Variants in SCRG1 observed in about 807,000 individuals in gnomAD.
The protein encoded by SCRG1 is scrapie-responsive protein 1.
A neutral mutation model predicts 7.7 loss-of-function variants in SCRG1; 3 were observed. That is an observed-to-expected ratio of 0.39 (90% confidence interval 0.18 to 1.01). The LOEUF is 1.01. SCRG1 is among the 50% of genes least tolerant of loss of function. The pLI is 0.36. For synonymous variants in SCRG1, 46 were observed against 41.2 expected, an observed-to-expected ratio of 1.12 and a Z score of -0.44; for missense variants, 110 against 117.2, an observed-to-expected ratio of 0.94 and a Z score of 0.28.
the SCRG1 span, among the ~76,000 whole-genome samples, chr4:173,498,805 T>C: frequency 2.0e-5 from 3 of 152,224 alleles, no homozygotes; most frequent in East Asian, 5.8e-4. Context: ...GAGACAGAAA[T>C]AAATATAGAG....
At chr4:173,396,289 CA>C (rs1050968775) in intron 1 of SCRG1, among the ~76,000 whole-genome samples, 5 of 152,130 alleles carry the variant, frequency 3.3e-5, no homozygotes, top group African/African-American at 9.7e-5. Context: ...GTCTAAAGAT[CA>C]GGGGTGAAAA....
upstream of SCRG1, among the ~76,000 whole-genome samples, chr4:173,410,891 T>C (rs1740021527): frequency 6.6e-6 from 1 of 152,180 alleles, no homozygotes; most frequent in African/African-American, 2.4e-5. Context: ...AGCAGCACAT[T>C]GGGAGCAGAG....
At chr4:173,429,180 A>G in the SCRG1 span, among the ~76,000 whole-genome samples, 137 of 152,328 alleles carry the variant, frequency 9.0e-4, no homozygotes, top group Admixed American at 2.7e-3. Flanking sequence ...GGACAGCTGG[A>G]TTTCTTTGAG....
the SCRG1 span, among the ~76,000 whole-genome samples, chr4:173,448,043 C>T: frequency 3.9e-5 from 6 of 152,082 alleles, no homozygotes; most frequent in African/African-American, 7.2e-5. Context: ...GGCAGAGGTT[C>T]CTGTGAGCCA....
At chr4:173,461,745 A>G in the SCRG1 span, among the ~76,000 whole-genome samples, 2 of 152,234 alleles carry the variant, frequency 1.3e-5, no homozygotes, top group South Asian at 4.1e-4. Flanking sequence ...ATCCTGGAGA[A>G]ACAGAGATAC....
At chr4:173,451,676 TTATTTATTTTG>T in the SCRG1 span, among the ~76,000 whole-genome samples, 20 of 128,054 alleles carry the variant, frequency 1.6e-4, no homozygotes, top group Non-Finnish European at 2.9e-4. Context: ...ATTTATTTAT[TTATTTATTTTG>T]AGACAGAGTC....
chr4:173,400,885 C>T (rs565862586), upstream of SCRG1, among the ~76,000 whole-genome samples: 10 of 152,036 alleles, frequency 6.6e-5, no homozygotes, highest in African/African-American at 1.4e-4. Flanking sequence ...GTTCATGATA[C>T]GACTGAGAGC....
rs1480635414 is a variant in SCRG1 at position 173,388,089 on chromosome 4, T to A, written c.*252A>T. 5 of 397,856 alleles carry A rather than the reference T, an allele frequency of 1.3e-5. No individual in the cohort carries two copies. The highest frequency in any genetic ancestry group is 4.1e-5 in the African/African-American group (2 of 48,202). The allele number at this position is 397,856 out of a possible 1,614,324, so 24.6% of individuals were successfully genotyped here. On this transcript the variant is annotated 3_prime_UTR_variant, in exon 3 of 3. Coordinates refer to ENST00000296506, the MANE Select transcript of SCRG1 (RefSeq NM_007281.4). Reference sequence around the variant, plus strand: ...GGGGACAGAACTCTTTAACTGAGTATAATGAACACCTCATAGATTACATTT... The same window carrying A: ...GGGGACAGAACTCTTTAACTGAGTAAAATGAACACCTCATAGATTACATTT...
At chr4:173,439,904 A>G in the SCRG1 span, among the ~76,000 whole-genome samples, 1 of 152,096 alleles carries the variant, frequency 6.6e-6, no homozygotes, top group Non-Finnish European at 1.5e-5. Flanking sequence ...CATGGAAATT[A>G]TTTTCCTCTT....
intron 1 of SCRG1, among the ~76,000 whole-genome samples, chr4:173,405,405 T>C (rs1328559228): frequency 6.6e-6 from 1 of 152,210 alleles, no homozygotes; most frequent in African/African-American, 2.4e-5. Context: ...TCAAGTCGTT[T>C]TCGTTATGTG....
chr4:173,405,723 C>T (rs1024943634), intron 1 of SCRG1, among the ~76,000 whole-genome samples: 3 of 152,144 alleles, frequency 2.0e-5, no homozygotes, highest in African/African-American at 7.2e-5. Context: ...CTTTAGTTGC[C>T]TCTTGTGTCT....
chr4:173,428,298 C>T, the SCRG1 span, among the ~76,000 whole-genome samples: 5 of 152,172 alleles, frequency 3.3e-5, no homozygotes, highest in African/African-American at 1.2e-4. Context: ...CAGAAAAACT[C>T]AAACTATAAT....
the SCRG1 span, among the ~76,000 whole-genome samples, chr4:173,491,718 A>G: frequency 6.6e-6 from 1 of 152,186 alleles, no homozygotes; most frequent in Non-Finnish European, 1.5e-5. Flanking sequence ...GCACTGAACA[A>G]AGCTGACTTT....
At chr4:173,424,802 G>A in the SCRG1 span, among the ~76,000 whole-genome samples, 1 of 151,786 alleles carries the variant, frequency 6.6e-6, no homozygotes, top group South Asian at 2.1e-4. Context: ...CCAGCTACTC[G>A]GGAGGCTGAG....
chr4:173,518,107 G>T, the SCRG1 span, among the ~76,000 whole-genome samples: 1 of 152,194 alleles, frequency 6.6e-6, no homozygotes, highest in South Asian at 2.1e-4. Context: ...AACAATATTC[G>T]CTCTCTCTAG....
At chr4:173,490,815 C>T in the SCRG1 span, among the ~76,000 whole-genome samples, 1 of 152,170 alleles carries the variant, frequency 6.6e-6, no homozygotes, top group Non-Finnish European at 1.5e-5. Flanking sequence ...CTGGAAGCCT[C>T]TATTGCCCTG....
At chr4:173,467,031 T>A in the SCRG1 span, among the ~76,000 whole-genome samples, 1 of 152,148 alleles carries the variant, frequency 6.6e-6, no homozygotes, top group Non-Finnish European at 1.5e-5. Flanking sequence ...AATTTGGACC[T>A]AATATTAGGA....
chr4:173,485,467 C>T, the SCRG1 span, among the ~76,000 whole-genome samples: 1 of 151,410 alleles, frequency 6.6e-6, no homozygotes, highest in African/African-American at 2.4e-5. Context: ...CTGAGGCTGC[C>T]TGAGTGATCC....
chr4:173,473,542 G>C, the SCRG1 span, among the ~76,000 whole-genome samples: 1 of 152,146 alleles, frequency 6.6e-6, no homozygotes, highest in African/African-American at 2.4e-5. Flanking sequence ...CCTCAATCCT[G>C]GGATTAATCC....
Sources: allele counts gnomAD v4.1 joint callset (sites outside exome capture counted in the v4.1 genomes callset), GRCh38; gene constraint gnomAD v4.1.1; transcripts MANE v1.5; gene names NCBI Gene and HGNC (gene_info 2026-07-23, HGNC 2026-07-21).